Variants in SBNO2 observed in about 807,000 individuals in gnomAD.
The protein encoded by SBNO2 is strawberry notch homolog 2.
A neutral mutation model predicts 146.3 loss-of-function variants in SBNO2; 89 were observed. That is an observed-to-expected ratio of 0.61 (90% confidence interval 0.51 to 0.73). The LOEUF is 0.73. SBNO2 is among the 30% of genes least tolerant of loss of function. The probability of loss-of-function intolerance (pLI) is 0.00; values close to 1 mark genes in which losing one functional copy is unlikely to be tolerated. For synonymous variants in SBNO2, 1,147 were observed against 892.6 expected (o/e 1.29, Z -5.08); for missense variants, 2,092 against 2,003.7 (o/e 1.04, Z -0.84).
chr19:1,109,449 G>GC lies in SBNO2; in HGVS notation c.3217-27dup, dbSNP rs771554015. The GC allele has an allele frequency of 1.3e-6, 2 of 1,562,648 alleles. No homozygotes were observed. The highest frequency in any genetic ancestry group is 2.7e-5 in the African/African-American group (2 of 73,564). On this transcript the variant is annotated intron_variant, in intron 28 of 31. Transcript: ENST00000361757. This position sits in a 1 kb window ranked among gnomAD's most constrained non-coding sequence, Gnocchi z 4.2. The stretch of plus-strand genomic sequence containing the variant: ...CTGCGGAGGGGGGCGTTGAGGCCGC[G>GC]CCCCGGTCCGCCCCCCGCGGGCCCT...
At position 1,108,573 on chromosome 19, in the gene SBNO2, G is replaced by A. The variant is rs2079704765; in HGVS notation, c.3748C>T (p.Pro1250Ser). The A allele has an allele frequency of 8.1e-7, 1 of 1,230,606 alleles. No homozygotes were observed. Among genetic ancestry groups the A allele is most frequent in the African/African-American group, 1.6e-5 (1 of 61,624 alleles). 76.2% of individuals were successfully genotyped at this position (1,230,606 alleles called of 1,614,324 possible). A position where few individuals can be genotyped will look rare whatever the true frequency, so the allele number is the denominator to read the frequency against. Residue 1250 changes from proline (P) to serine (S), a missense_variant, in exon 32 of 32, where the codon CCT (proline) becomes TCT (serine). Transcript: ENST00000361757. Reference sequence around the variant, plus strand: ...TCCAGCACCTCTCCGGGGCCGCAAGGCAGCGCCAGCGGGCGCGGGGCGGGC... The same window carrying A: ...TCCAGCACCTCTCCGGGGCCGCAAGACAGCGCCAGCGGGCGCGGGGCGGGC... ...APPAPRPLAL[P>S]CGPGEVLDLT...
intron 1 of SBNO2, chr19:1,169,189 C>G (rs913089185): frequency 6.6e-6 from 1 of 152,276 alleles, no homozygotes; most frequent in Non-Finnish European, 1.5e-5. Context: ...CTGCACTGCA[C>G]GAGGCTGCCC....
chr19:1,112,460 G>T lies in SBNO2; in HGVS notation c.2457C>A (p.Arg819=). ...QADRRVQNQR[R]RVHMTLELPW... ...GCAGCTCCAAGGTCATGTGCACGCG[G>T]CGCCGCTGGTTCTGGACACGGCGGT... Residue 819 remains arginine, a synonymous_variant, in exon 21 of 32, where the codon CGC becomes CGA. Transcript: ENST00000361757. This position sits in a 1 kb window ranked among gnomAD's most constrained non-coding sequence, Gnocchi z 5.9. 1 of 1,607,826 alleles carries T rather than the reference G, an allele frequency of 6.2e-7. No individual in the cohort carries two copies.
At chr19:1,116,808 T>C in intron 16 of SBNO2, 21 bp downstream of exon 16, 1 of 1,561,954 alleles carries the variant, frequency 6.4e-7, no homozygotes, top group Non-Finnish European at 8.7e-7. Flanking sequence ...CCCACAGTCC[T>C]GTCCCCACCG....
Position 1,110,641 on chromosome 19 carries a change from A to C in SBNO2, c.3028+104T>G. Reference sequence around the variant, plus strand: ...CCCACGAGCCCCTCGCCCACCCGGGATGCCCGGTGTTCCCACGAGCCCCGA... The same window carrying C: ...CCCACGAGCCCCTCGCCCACCCGGGCTGCCCGGTGTTCCCACGAGCCCCGA... On this transcript the variant is annotated intron_variant, in intron 26 of 31. Transcript: ENST00000361757. This position sits in a 1 kb window ranked among gnomAD's most constrained non-coding sequence, Gnocchi z 4.9. The C allele has an allele frequency of 7.4e-7, 1 of 1,344,696 alleles. No homozygotes were observed. The highest frequency in any genetic ancestry group is 9.9e-7 in the Non-Finnish European group (1 of 1,013,322). The allele number at this position is 1,344,696 out of a possible 1,614,324, so 83.3% of individuals were successfully genotyped here.
At chr19:1,123,095 A>T (rs1259405026) in intron 7 of SBNO2, 50 bp from the exon 8 acceptor site, 2 of 1,567,136 alleles carry the variant, frequency 1.3e-6, no homozygotes, top group Non-Finnish European at 1.7e-6. Flanking sequence ...CCAAGGGGTG[A>T]CCAGGGCCGG....
chr19:1,166,615 GCGC>G (rs2080427645), intron 1 of SBNO2, among the ~76,000 whole-genome samples: 3 of 98,328 alleles, frequency 3.1e-5, no homozygotes, highest in Non-Finnish European at 4.1e-5. Flanking sequence ...GCAACTGCAC[GCGC>G]ACACACACAC....
chr19:1,124,214 T>A, intron 5 of SBNO2, 192 bp from the exon 6 acceptor site: 1 of 624,226 alleles, frequency 1.6e-6, no homozygotes, highest in Non-Finnish European at 2.8e-6. Context: ...GCCTCCCCAG[T>A]GGGCACCTCC....
In SBNO2 at chr19:1,126,578, A is replaced by G. The variant is rs529595569; in HGVS notation, c.441+1026T>C. On this transcript the variant is annotated intron_variant, in intron 5 of 31. Coordinates refer to ENST00000361757, the MANE Select transcript of SBNO2 (RefSeq NM_014963.3). The surrounding 1 kb of genome is among the most constrained non-coding windows in gnomAD (Gnocchi z 4.4). ...CTTCCTGAGCCGCCCACCGTGAGCC[A>G]CCCACCGTGGCTGCGGGGTGCCCTG... 4.8e-4 allele frequency among the ~76,000 whole-genome samples: 73 copies of G among 151,478 alleles called. No individual in the cohort carries two copies. The highest frequency in any genetic ancestry group is 1.5e-3 in the African/African-American group (60 of 41,308).
intron 2 of SBNO2, among the ~76,000 whole-genome samples, chr19:1,149,647 C>T (rs2080224664): frequency 6.6e-6 from 1 of 152,206 alleles, no homozygotes; most frequent in South Asian, 2.1e-4. Flanking sequence ...CCACCCAAGG[C>T]TTGTGGTGTG....
At position 1,110,887 on chromosome 19, in the gene SBNO2, G is replaced by A; in HGVS notation, c.2886C>T (p.Asp962=). ...SRNGCLDVEK[D]CSITKFLNRI... ...GGTTCAGGAACTTGGTGATGGAACA[G>A]TCTGGTAGGGGAGGGAGCCAAGCCT... Residue 962 remains aspartate (D), a splice_region_variant and synonymous_variant, in exon 26 of 32, where the codon GAC becomes GAT. Coordinates refer to ENST00000361757, the MANE Select transcript of SBNO2 (RefSeq NM_014963.3). The surrounding 1 kb of genome is among the most constrained non-coding windows in gnomAD (Gnocchi z 4.9). 2 of 1,613,538 alleles carry A rather than the reference G, an allele frequency of 1.2e-6. No homozygotes were observed. The highest frequency in any genetic ancestry group is 1.3e-5 in the African/African-American group (1 of 75,022).
At chr19:1,131,417 AGCTGGGAGGACCTG>A (rs34221384) in intron 4 of SBNO2, among the ~76,000 whole-genome samples, 53,895 of 151,732 alleles carry the variant, frequency 0.36, 9,655 homozygotes, top group African/African-American at 0.42. Flanking sequence ...TGAGGTGGGG[AGCTGGGAGGACCTG>A]GCTGGGAGGA....
Position 1,108,041 on chromosome 19 carries a change from C to A in SBNO2, c.*179G>T. ...TGCCACGCCCCGGCCCCCAGCTGTC[C>A]TGAGTGGGCCCCGCCAGGGCTGACC... On this transcript the variant is annotated 3_prime_UTR_variant, in exon 32 of 32. Coordinates refer to ENST00000361757, the MANE Select transcript of SBNO2 (RefSeq NM_014963.3). 1.8e-6 allele frequency: 1 copy of A among 562,886 alleles called. No individual in the cohort carries two copies. The highest frequency in any genetic ancestry group is 4.4e-5 in the East Asian group (1 of 22,516). 34.9% of individuals were successfully genotyped at this position (562,886 alleles called of 1,614,324 possible). A position where few individuals can be genotyped will look rare whatever the true frequency, so the allele number is the denominator to read the frequency against.
intron 4 of SBNO2, 66 bp from the exon 5 acceptor site, chr19:1,127,831 A>G (rs978383379): frequency 1.3e-6 from 2 of 1,503,468 alleles, no homozygotes; most frequent in East Asian, 4.6e-5. Context: ...CACGCACTGG[A>G]GCACGTGGGG....
intron 10 of SBNO2, 58 bp from the exon 11 acceptor site, chr19:1,122,340 G>T: frequency 6.6e-7 from 1 of 1,517,394 alleles, no homozygotes; most frequent in Non-Finnish European, 8.9e-7. Flanking sequence ...CTCTGGACCT[G>T]GGTCTCCCTA....
intron 3 of SBNO2, among the ~76,000 whole-genome samples, chr19:1,148,022 C>T (rs2080210594): frequency 6.6e-6 from 1 of 152,120 alleles, no homozygotes; most frequent in Non-Finnish European, 1.5e-5. Context: ...CTGCCCTTCC[C>T]CACTCCGGCC....
At position 1,147,437 on chromosome 19, in the gene SBNO2, G is replaced by GGA. The variant is rs2080202628; in HGVS notation, c.168-18_168-17insTC. ...ATGAACGGGCTGGAGGGAGATGGGGGGGGGGGAGGTGAGATGGGGTGCTCA... is the reference window on the plus strand; with the variant it reads ...ATGAACGGGCTGGAGGGAGATGGGGGGAGGGGGGAGGTGAGATGGGGTGCTCA... On this transcript the variant is annotated splice_polypyrimidine_tract_variant and intron_variant, in intron 3 of 31. Coordinates refer to ENST00000361757, the MANE Select transcript of SBNO2 (RefSeq NM_014963.3). 1.5e-6 allele frequency: 2 copies of GGA among 1,304,666 alleles called. No homozygotes were observed. The highest frequency in any genetic ancestry group is 3.1e-5 in the African/African-American group (2 of 64,488). The allele number at this position is 1,304,666 out of a possible 1,614,324, so 80.8% of individuals were successfully genotyped here.
In SBNO2 at chr19:1,119,633, A is replaced by G; in HGVS notation, c.1268-12T>C. The G allele has an allele frequency of 6.3e-7, 1 of 1,589,792 alleles. No individual in the cohort carries two copies. The highest frequency in any genetic ancestry group is 8.6e-7 in the Non-Finnish European group (1 of 1,165,664). Reference sequence around the variant, plus strand: ...AGGCTCAGAGGCACCTGTGGGGGGAAGCTGCCGTCAGCTCCCCAACCCGGG... The same window carrying G: ...AGGCTCAGAGGCACCTGTGGGGGGAGGCTGCCGTCAGCTCCCCAACCCGGG... On this transcript the variant is annotated splice_polypyrimidine_tract_variant and intron_variant, in intron 12 of 31. Coordinates refer to ENST00000361757, the MANE Select transcript of SBNO2 (RefSeq NM_014963.3).
chr19:1,146,172 C>T (rs1462398569), intron 4 of SBNO2, among the ~76,000 whole-genome samples: 2 of 152,172 alleles, frequency 1.3e-5, no homozygotes, highest in African/African-American at 2.4e-5. Context: ...TGATCCCTAC[C>T]CAATGACATC....
Sources: gnomAD v4.1 joint callset for allele counts (sites outside exome capture counted in the v4.1 genomes callset) on GRCh38, gnomAD v4.1.1 for gene constraint, Gnocchi (gnomAD v3.1) non-coding constraint, MANE v1.5 for transcripts, NCBI Gene and HGNC (gene_info 2026-07-23, HGNC 2026-07-21) for gene names.